The following CTNNA3 variants were observed in gnomAD, a reference collection of about 807,000 sequenced individuals.
CTNNA3 encodes catenin alpha-3.
CTNNA3 carries 76 observed loss-of-function variants against 95.7 expected under a neutral mutation model. The ratio of observed to expected loss-of-function variants is 0.79; its 90% CI spans 0.66 to 0.96. CTNNA3 has a LOEUF of 0.96. Ranked by LOEUF, CTNNA3 falls within the 40% of genes least tolerant of loss-of-function variation. The probability of loss-of-function intolerance (pLI) is 0.00; values close to 1 mark genes in which losing one functional copy is unlikely to be tolerated. For synonymous variants in CTNNA3, 431 were observed against 374.4 expected (o/e 1.15, Z -1.74); for missense variants, 1,191 against 1,089.8 (o/e 1.09, Z -1.31).
chr10:66,694,130 A>C (rs1239012911), intron 9 of CTNNA3, among the ~76,000 whole-genome samples: 1 of 152,186 alleles, frequency 6.6e-6, no homozygotes, highest in Non-Finnish European at 1.5e-5. Flanking sequence ...ACTGAAGGAA[A>C]TAGAGACACA....
intron 5 of CTNNA3, among the ~76,000 whole-genome samples, chr10:67,339,384 CA>C (rs1000299857): frequency 2.0e-5 from 3 of 152,020 alleles, no homozygotes; most frequent in African/African-American, 7.3e-5. Context: ...TCACAATTCC[CA>C]GATCTTGTTC....
intron 5 of CTNNA3, among the ~76,000 whole-genome samples, chr10:67,287,965 T>C (rs2132460079): frequency 6.6e-6 from 1 of 152,348 alleles, no homozygotes; most frequent in East Asian, 1.9e-4. Flanking sequence ...GCCCCTTCTC[T>C]AATTGACACT....
intron 9 of CTNNA3, among the ~76,000 whole-genome samples, chr10:66,625,114 C>T (rs934038148): frequency 3.9e-5 from 6 of 152,158 alleles, no homozygotes; most frequent in South Asian, 4.2e-4. Flanking sequence ...TAAAAACAAA[C>T]AAGAAGTCTT....
intron 12 of CTNNA3, among the ~76,000 whole-genome samples, chr10:66,371,402 C>G (rs1176260999): frequency 6.6e-6 from 1 of 152,030 alleles, no homozygotes; most frequent in Non-Finnish European, 1.5e-5. Context: ...TGGAATGTAC[C>G]TCAATTTGGA....
chr10:67,137,983 A>C (rs1288895827), intron 7 of CTNNA3, among the ~76,000 whole-genome samples: 1 of 151,964 alleles, frequency 6.6e-6, no homozygotes, highest in Non-Finnish European at 1.5e-5. Context: ...GCTTATGCAC[A>C]AAATTGTGTC....
intron 1 of CTNNA3, among the ~76,000 whole-genome samples, chr10:67,667,324 A>G (rs1840349363): frequency 6.6e-6 from 1 of 152,172 alleles, no homozygotes; most frequent in African/African-American, 2.4e-5. Context: ...TTATTCTAAA[A>G]ATAAAAATTT....
chr10:66,692,224 A>G (rs1218171974), intron 9 of CTNNA3, among the ~76,000 whole-genome samples: 2 of 152,162 alleles, frequency 1.3e-5, no homozygotes, highest in Non-Finnish European at 2.9e-5. Context: ...AAAAAAATTT[A>G]GATGAATGTA....
chr10:66,852,863 T>G (rs1408772667), intron 7 of CTNNA3, among the ~76,000 whole-genome samples: 8 of 152,198 alleles, frequency 5.3e-5, no homozygotes, highest in Admixed American at 5.2e-4. Flanking sequence ...GCAGTAATGT[T>G]TTTGTTAATT....
At chr10:67,243,138 T>A (rs2132336605) in intron 5 of CTNNA3, among the ~76,000 whole-genome samples, 1 of 152,212 alleles carries the variant, frequency 6.6e-6, no homozygotes, top group South Asian at 2.1e-4. Context: ...GTCTCAAACA[T>A]GTCCGAAGTT....
At chr10:66,646,591 T>C (rs527641330) in intron 9 of CTNNA3, among the ~76,000 whole-genome samples, 33 of 152,234 alleles carry the variant, frequency 2.2e-4, no homozygotes, top group African/African-American at 7.2e-4. Context: ...AAATACATTA[T>C]GTTATTAAGG....
intron 3 of CTNNA3, among the ~76,000 whole-genome samples, chr10:67,570,677 T>C (rs1174821634): frequency 6.6e-6 from 1 of 152,230 alleles, no homozygotes; most frequent in African/African-American, 2.4e-5. Flanking sequence ...ACAAGGTCTT[T>C]ACAAACTTTG....
intron 5 of CTNNA3, among the ~76,000 whole-genome samples, chr10:67,356,693 C>A (rs1842822076): frequency 6.6e-6 from 1 of 152,064 alleles, no homozygotes; most frequent in South Asian, 2.1e-4. Flanking sequence ...AATCCTTAAT[C>A]AACTTTTTGC....
At chr10:66,550,199 A>T (rs1472578425) in intron 10 of CTNNA3, among the ~76,000 whole-genome samples, 1 of 152,134 alleles carries the variant, frequency 6.6e-6, no homozygotes, top group South Asian at 2.1e-4. Context: ...ACAATCTCTC[A>T]TTATACACAT....
chr10:66,646,670 G>GAA (rs1344390807), intron 9 of CTNNA3, among the ~76,000 whole-genome samples: 3 of 152,134 alleles, frequency 2.0e-5, no homozygotes, highest in African/African-American at 7.2e-5. Context: ...TCCACAATTA[G>GAA]AACCAAAGCA....
At chr10:66,455,271 A>C (rs1026788341) in intron 11 of CTNNA3, among the ~76,000 whole-genome samples, 4 of 152,178 alleles carry the variant, frequency 2.6e-5, no homozygotes, top group Non-Finnish European at 5.9e-5. Flanking sequence ...CTACAATAAC[A>C]ATTTTAAAAT....
intron 13 of CTNNA3, among the ~76,000 whole-genome samples, chr10:66,113,681 G>T (rs896906237): frequency 1.3e-5 from 2 of 152,120 alleles, no homozygotes; most frequent in Non-Finnish European, 2.9e-5. Context: ...GTTTAGCAAG[G>T]TATCAGGAAA....
chr10:67,352,069 A>T (rs1842656264), intron 5 of CTNNA3, among the ~76,000 whole-genome samples: 1 of 152,012 alleles, frequency 6.6e-6, no homozygotes, highest in South Asian at 2.1e-4. Flanking sequence ...GCCTTTAAAG[A>T]TTGCACAAAC....
intron 12 of CTNNA3, among the ~76,000 whole-genome samples, chr10:66,318,914 A>AT (rs5785754): frequency 1.1e-3 from 165 of 147,070 alleles, no homozygotes; most frequent in African/African-American, 2.4e-3. Context: ...AGGTAGAAGT[A>AT]TTTTTTTTTT....
chr10:67,452,356 A>T (rs1847021224), intron 5 of CTNNA3, among the ~76,000 whole-genome samples: 1 of 152,198 alleles, frequency 6.6e-6, no homozygotes, highest in African/African-American at 2.4e-5. Context: ...TAAACAATTC[A>T]TTATATTTAA....
Sources: gnomAD v4.1 joint callset for allele counts (sites outside exome capture counted in the v4.1 genomes callset) on GRCh38, gnomAD v4.1.1 for gene constraint, MANE v1.5 for transcripts, NCBI Gene and HGNC (gene_info 2026-07-23, HGNC 2026-07-21) for gene names.